The following ANKRD36C variants were observed in gnomAD, a reference collection of about 807,000 sequenced individuals.
ANKRD36C encodes the protein ankyrin repeat domain 36C.
Under a neutral mutation model 276.4 loss-of-function variants are expected in ANKRD36C, and 61 were observed. That is an observed-to-expected ratio of 0.22 (90% CI 0.18 to 0.27). ANKRD36C has a LOEUF of 0.27. Ranked by LOEUF, ANKRD36C falls within the 10% of genes least tolerant of loss-of-function variation. The pLI is 1.00. For missense variants in ANKRD36C, 1,447 were observed against 2,032.3 expected (o/e 0.71, Z 5.54); for synonymous variants, 483 against 680.1 (o/e 0.71, Z 4.51).
chr2:95,867,421 A>G lies in ANKRD36C; in HGVS notation c.3682+19T>C. On this transcript the variant is annotated intron_variant, in intron 60 of 66. Coordinates refer to ENST00000456556, the Ensembl canonical transcript of ANKRD36C. ...CTATAGGATTTTTAAAAAGCCTTAT[A>G]TTTATGCATTGGTCCTACCTTTACA... is the stretch of plus-strand genomic sequence containing the variant. 1.9e-6 allele frequency: 2 copies of G among 1,053,222 alleles called. No homozygotes were observed. Among genetic ancestry groups the G allele is most frequent in the Non-Finnish European group, 2.7e-6 (2 of 734,276 alleles). 65.2% of individuals were successfully genotyped at this position (1,053,222 alleles called of 1,614,324 possible). A position where few individuals can be genotyped will look rare whatever the true frequency, so the allele number is the denominator to read the frequency against.
chr2:95,861,347 T>C (rs2442204), intron 60 of ANKRD36C, among the ~76,000 whole-genome samples: 1 of 151,498 alleles, frequency 6.6e-6, no homozygotes, highest in Non-Finnish European at 1.5e-5. Context: ...TTTCAAGCAG[T>C]TAATAGATAA....
chr2:95,893,643 G>A, intron 44 of ANKRD36C, 38 bp from the exon 64 acceptor site: 1 of 1,592,808 alleles, frequency 6.3e-7, no homozygotes, highest in Non-Finnish European at 8.5e-7. Context: ...AATAAAATAT[G>A]TTTCATAGAC....
chr2:95,968,101 A>C (rs1678629013), intron 6 of ANKRD36C, among the ~76,000 whole-genome samples: 1 of 152,146 alleles, frequency 6.6e-6, no homozygotes, highest in Non-Finnish European at 1.5e-5. Context: ...CAAAAGAAAA[A>C]AAAATCATGA....
chr2:95,969,737 A>G (rs1438873441), intron 6 of ANKRD36C, among the ~76,000 whole-genome samples: 2 of 152,138 alleles, frequency 1.3e-5, no homozygotes, highest in African/African-American at 4.8e-5. Context: ...CACTTATCAC[A>G]TAGCCATTTT....
rs1165506142 is a variant in ANKRD36C at position 95,914,312 on chromosome 2, T to C, written c.2450-9A>G. On this transcript the variant is annotated splice_polypyrimidine_tract_variant and intron_variant, in intron 38 of 66. Coordinates refer to ENST00000456556, the Ensembl canonical transcript of ANKRD36C. ...TGGTTTCTCAGAAGTCACTGAAAAG[T>C]AAAAGGGATTCATAATCACTCATAT... 1 of 1,547,620 alleles carries C rather than the reference T, an allele frequency of 6.5e-7. No homozygotes were observed. The highest frequency in any genetic ancestry group is 8.7e-7 in the Non-Finnish European group (1 of 1,144,942).
chr2:95,923,363 A>G, intron 32 of ANKRD36C, 132 bp downstream of exon 32: 2 of 1,251,652 alleles, frequency 1.6e-6, no homozygotes, highest in Non-Finnish European at 2.2e-6. Context: ...AGAACTTATT[A>G]CAAATGAAGA....
At chr2:95,893,100 A>G (rs1321041494) in intron 44 of ANKRD36C, among the ~76,000 whole-genome samples, 1 of 151,278 alleles carries the variant, frequency 6.6e-6, no homozygotes, top group South Asian at 2.1e-4. Context: ...TGGGAAAATG[A>G]TTGCTACACC....
chr2:95,901,746 T>TTA (rs1278059723), intron 42 of ANKRD36C, among the ~76,000 whole-genome samples: 3 of 73,260 alleles, frequency 4.1e-5, no homozygotes. Flanking sequence ...CTTGGATATC[T>TTA]GTTTGCTGAT....
At position 95,884,170 on chromosome 2, in the gene ANKRD36C, T is replaced by C; in HGVS notation, c.3265+3A>G. ...TGACATTAAATGTGTTTTGCAAAAT[T>C]ACCTGTCCCAGATTTTTCTCCATCC... is the stretch of plus-strand genomic sequence containing the variant. On this transcript the variant is annotated splice_donor_region_variant and intron_variant, in intron 54 of 66. Transcript: ENST00000456556. 6.2e-7 allele frequency: 1 copy of C among 1,605,856 alleles called. No homozygotes were observed. The highest frequency in any genetic ancestry group is 2.2e-5 in the East Asian group (1 of 44,512).
At chr2:95,950,907 A>G in intron 15 of ANKRD36C, 128 bp from the exon 16 acceptor site, 3 of 835,032 alleles carry the variant, frequency 3.6e-6, no homozygotes, top group Non-Finnish European at 5.5e-6. Context: ...CAGAAGTATC[A>G]CTTGAGAAGC....
intron 44 of ANKRD36C, chr2:95,893,577 A>C: frequency 6.4e-7 from 1 of 1,567,812 alleles, no homozygotes; most frequent in African/African-American, 1.4e-5. Context: ...GGCTATATTC[A>C]AAACAGAATC....
chr2:95,988,636 T>G (rs1412775273), intron 1 of ANKRD36C, among the ~76,000 whole-genome samples: 1 of 152,192 alleles, frequency 6.6e-6, no homozygotes, highest in South Asian at 2.1e-4. Context: ...AAACATAAAT[T>G]AAAGCAGTGC....
At position 95,908,650 on chromosome 2, in the gene ANKRD36C, T is replaced by A. The variant is rs538730083; in HGVS notation, c.2653+3594A>T. 3 of 1,564,872 alleles carry A rather than the reference T, an allele frequency of 1.9e-6. No homozygotes were observed. Among genetic ancestry groups the A allele is most frequent in the Admixed American group, 3.7e-5 (2 of 54,274 alleles). ...ACTATACATTTACTAGTTCACAACATAAATGACAGTTTCATTACCTTCAAG... is the reference window on the plus strand; with the variant it reads ...ACTATACATTTACTAGTTCACAACAAAAATGACAGTTTCATTACCTTCAAG... On this transcript the variant is annotated intron_variant, in intron 42 of 66. Coordinates refer to ENST00000456556, the Ensembl canonical transcript of ANKRD36C.
chr2:95,947,584 C>A (rs1573793468), intron 17 of ANKRD36C, among the ~76,000 whole-genome samples: 1 of 152,178 alleles, frequency 6.6e-6, no homozygotes. Context: ...GAATGAGATA[C>A]AAAGACCCTG....
At chr2:95,887,164 C>T (rs1196134015) in intron 50 of ANKRD36C, among the ~76,000 whole-genome samples, 1 of 151,662 alleles carries the variant, frequency 6.6e-6, no homozygotes, top group Non-Finnish European at 1.5e-5. Context: ...CAAGAGTCAC[C>T]TCTTTGATCA....
At chr2:95,913,330 A>G (rs1456753886) in intron 40 of ANKRD36C, among the ~76,000 whole-genome samples, 1 of 151,142 alleles carries the variant, frequency 6.6e-6, no homozygotes, top group Non-Finnish European at 1.5e-5. Context: ...AAGTTTCATT[A>G]AATAGCTATT....
chr2:95,960,347 G>C, intron 10 of ANKRD36C, 126 bp downstream of exon 10: 2 of 1,256,452 alleles, frequency 1.6e-6, no homozygotes, highest in Middle Eastern at 2.6e-4. Flanking sequence ...TATTACAAAC[G>C]CAGAATCTCA....
At chr2:95,977,366 A>G (rs1421570491) in intron 6 of ANKRD36C, among the ~76,000 whole-genome samples, 1 of 152,210 alleles carries the variant, frequency 6.6e-6, no homozygotes, top group Non-Finnish European at 1.5e-5. Context: ...TGGCCTCTTC[A>G]CTGATGGTTT....
rs889578002 is a variant in ANKRD36C at position 95,978,950 on chromosome 2, C to G, written c.732-761G>C. Among the ~76,000 whole-genome samples, 92 of 152,162 alleles carry G rather than the reference C, an allele frequency of 6.0e-4. 1 individual carries two copies. The highest frequency in any genetic ancestry group is 3.0e-3 in the Admixed American group (46 of 15,260). ...TACAACTACTACTTCTCTACAGACTCTAACTGAATGAGCAGATGTTTGCTA... is the reference window on the plus strand; with the variant it reads ...TACAACTACTACTTCTCTACAGACTGTAACTGAATGAGCAGATGTTTGCTA... On this transcript the variant is annotated intron_variant, in intron 5 of 66. Coordinates refer to ENST00000456556, the Ensembl canonical transcript of ANKRD36C.
Sources: gnomAD v4.1 joint callset for allele counts (sites outside exome capture counted in the v4.1 genomes callset) on GRCh38, gnomAD v4.1.1 for gene constraint, MANE v1.5 for transcripts, NCBI Gene and HGNC (gene_info 2026-07-23, HGNC 2026-07-21) for gene names.